AOPEP: variants seen among roughly 807,000 people sequenced by gnomAD.
AOPEP encodes aminopeptidase O.
AOPEP carries 77 observed loss-of-function variants against 98.1 expected under a neutral mutation model. The ratio of observed to expected loss-of-function variants is 0.78; its 90% CI spans 0.65 to 0.95. The LOEUF is 0.95. Among genes scored for constraint, AOPEP ranks in the 40% least tolerant of loss-of-function variants. AOPEP has a pLI of 0.00. For missense variants in AOPEP, 1,024 were observed against 1,024.7 expected (o/e 1.00, Z 0.01); for synonymous variants, 346 against 365.3 (o/e 0.95, Z 0.60).
At chr9:95,132,521 C>A in the AOPEP span, among the ~76,000 whole-genome samples, 2 of 152,194 alleles carry the variant, frequency 1.3e-5, no homozygotes, top group Non-Finnish European at 2.9e-5. Flanking sequence ...TGAAAAGTTT[C>A]AGTCTGTACA....
At chr9:95,120,759 T>C in the AOPEP span, among the ~76,000 whole-genome samples, 1 of 152,202 alleles carries the variant, frequency 6.6e-6, no homozygotes, top group East Asian at 1.9e-4. Context: ...AATCTGACGT[T>C]TCTGCCTTTT....
chr9:94,939,072 A>G (rs2056683416), intron 7 of AOPEP, among the ~76,000 whole-genome samples: 1 of 152,064 alleles, frequency 6.6e-6, no homozygotes, highest in African/African-American at 2.4e-5. Flanking sequence ...ATATGGTGAA[A>G]CCACATCTCT....
intron 5 of AOPEP, among the ~76,000 whole-genome samples, chr9:94,844,932 T>G (rs2042679059): frequency 1.3e-5 from 2 of 151,888 alleles, no homozygotes; most frequent in South Asian, 4.2e-4. Flanking sequence ...AGTGACCATT[T>G]CAGAAAAAAA....
chr9:95,080,556 G>T (rs2069626923), intron 14 of AOPEP, 138 bp from the exon 15 acceptor site: 4 of 637,100 alleles, frequency 6.3e-6, no homozygotes, highest in South Asian at 2.0e-5. Context: ...AAAAGAAAAT[G>T]TAAAACTAAG....
intron 7 of AOPEP, among the ~76,000 whole-genome samples, chr9:94,953,873 A>G (rs2137922537): frequency 6.6e-6 from 1 of 152,310 alleles, no homozygotes; most frequent in South Asian, 2.1e-4. Flanking sequence ...TTGAAGCTAT[A>G]CTGTAACACT....
the AOPEP span, chr9:95,106,978 G>A: frequency 1.5e-6 from 2 of 1,291,572 alleles, no homozygotes; most frequent in East Asian, 4.8e-5. Flanking sequence ...TACACACACT[G>A]TGCAGAGGCC....
At chr9:94,817,567 T>A (rs1028685966) in intron 5 of AOPEP, among the ~76,000 whole-genome samples, 1 of 152,204 alleles carries the variant, frequency 6.6e-6, no homozygotes, top group Non-Finnish European at 1.5e-5. Flanking sequence ...CTCCTGGGGC[T>A]TTGAAAATGA....
intron 13 of AOPEP, among the ~76,000 whole-genome samples, chr9:95,053,677 TATTA>T (rs1485358183): frequency 2.0e-5 from 3 of 151,226 alleles, no homozygotes; most frequent in African/African-American, 7.3e-5. Context: ...CGTACACTGT[TATTA>T]ATTTAGGTAA....
the AOPEP span, among the ~76,000 whole-genome samples, chr9:95,141,991 T>TG: frequency 1.4e-5 from 2 of 138,174 alleles, no homozygotes; most frequent in Non-Finnish European, 3.1e-5. Flanking sequence ...TGGGGTTTTT[T>TG]TTTTTTTTTT....
At chr9:95,100,564 C>T in the AOPEP span, 1 of 231,236 alleles carries the variant, frequency 4.3e-6, no homozygotes, top group East Asian at 6.1e-5. Flanking sequence ...AATACAATTC[C>T]AGAATGTCCC....
chr9:95,117,257 T>G, the AOPEP span: 1 of 1,498,840 alleles, frequency 6.7e-7, no homozygotes, highest in Non-Finnish European at 9.3e-7. Flanking sequence ...AGGTCATAAT[T>G]TGACAATGCT....
Position 94,931,649 on chromosome 9 carries a change from A to G in AOPEP, c.1661+3118A>G, listed in dbSNP as rs890374727. ...AGATGCTATCTTGTTCTTTCTTTCA[A>G]GATGCCCCATGGTCTTGAAATGATG... On this transcript the variant is annotated intron_variant, in intron 7 of 16. Coordinates refer to ENST00000375315, the MANE Select transcript of AOPEP (RefSeq NM_001193329.3). The G allele has an allele frequency of 7.0e-6, 7 of 997,114 alleles. No individual in the cohort carries two copies. The Admixed American group carries it at 1.2e-4, about 18-fold the overall frequency. The allele number at this position is 997,114 out of a possible 1,614,324, so 61.8% of individuals were successfully genotyped here.
rs369754431 is a variant in AOPEP at position 95,046,892 on chromosome 9, TTTAA to T, written c.2116-13799_2116-13796del. Among the ~76,000 whole-genome samples the T allele has an allele frequency of 3.7e-3, 557 of 152,346 alleles. 4 individuals carry two copies. Among genetic ancestry groups the T allele is most frequent in the African/African-American group, 0.012 (514 of 41,580 alleles). The stretch of plus-strand genomic sequence containing the variant: ...CATATTAGCATTTGAAAGTACTCAC[TTTAA>T]TTGTTTCTTATTCTGCTTGTTTTAA... On this transcript the variant is annotated intron_variant, in intron 13 of 16. Transcript: ENST00000375315.
At chr9:94,892,337 T>A (rs2048971298) in intron 5 of AOPEP, among the ~76,000 whole-genome samples, 1 of 152,220 alleles carries the variant, frequency 6.6e-6, no homozygotes, top group African/African-American at 2.4e-5. Context: ...GAAGCAGTGT[T>A]CATTTTTTTC....
At chr9:95,012,780 C>T (rs1007753491) in intron 13 of AOPEP, among the ~76,000 whole-genome samples, 17 of 152,018 alleles carry the variant, frequency 1.1e-4, no homozygotes, top group African/African-American at 4.1e-4. Flanking sequence ...TAGAAAAAGG[C>T]CTGGCCACAT....
At chr9:94,942,260 T>C (rs1475437805) in intron 7 of AOPEP, among the ~76,000 whole-genome samples, 1 of 152,218 alleles carries the variant, frequency 6.6e-6, no homozygotes, top group African/African-American at 2.4e-5. Flanking sequence ...TCAGAAAAAC[T>C]CTCATCCAGT....
intron 5 of AOPEP, among the ~76,000 whole-genome samples, chr9:94,817,403 C>T (rs1851942126): frequency 6.6e-6 from 1 of 152,218 alleles, no homozygotes; most frequent in South Asian, 2.1e-4. Flanking sequence ...AGGGACTGGT[C>T]CCAGTATTTA....
chr9:94,809,964 G>C, intron 5 of AOPEP: 1 of 156,200 alleles, frequency 6.4e-6, no homozygotes, highest in African/African-American at 2.4e-5. Context: ...AGCTGATTGT[G>C]CTGCAGGTGT....
At chr9:94,735,485 G>A (rs1013654016) in intron 1 of AOPEP, among the ~76,000 whole-genome samples, 5 of 152,194 alleles carry the variant, frequency 3.3e-5, no homozygotes, top group African/African-American at 1.2e-4. Context: ...CTCCCAAAGT[G>A]CTGGGATTAC....
Sources: gnomAD v4.1 joint callset for allele counts (sites outside exome capture counted in the v4.1 genomes callset) on GRCh38, gnomAD v4.1.1 for gene constraint, MANE v1.5 for transcripts, NCBI Gene and HGNC (gene_info 2026-07-23, HGNC 2026-07-21) for gene names.